The following GIPR variants were observed in gnomAD, a reference collection of about 807,000 sequenced individuals.
GIPR encodes the protein GIP-R.
Under a neutral mutation model 62.2 loss-of-function variants are expected in GIPR, and 74 were observed. The ratio of observed to expected loss-of-function variants is 1.19; its 90% CI spans 0.99 to 1.44. The LOEUF is 1.44. GIPR is among the 40% of genes most tolerant of loss of function. The pLI, the probability that GIPR is intolerant of heterozygous loss-of-function variation, is 0.00. For synonymous variants in GIPR, 256 were observed against 262.2 expected, an observed-to-expected ratio of 0.98 and a Z score of 0.23; for missense variants, 664 against 611.8, an observed-to-expected ratio of 1.09 and a Z score of -0.90.
In GIPR at chr19:45,676,968, C is replaced by A. The variant is rs760439238; in HGVS notation, c.653C>A (p.Thr218Lys). 93 of 1,613,966 alleles carry A rather than the reference C, an allele frequency of 5.8e-5. No homozygotes were observed. The highest frequency in any genetic ancestry group is 7.8e-5 in the Non-Finnish European group (92 of 1,180,018). ...LWNQALAACR[T>K]AQIVTQYCVG... is the part of the protein sequence containing the mutation. ...CCCTAGGCCCTCGCTGCCTGCCGCA[C>A]GGCCCAGATCGTGACCCAGTACTGC... Residue 218 changes from threonine to lysine, a missense_variant, in exon 8 of 14, where the codon ACG (threonine) becomes AAG (lysine). By Grantham distance (78) the Thr-to-Lys change is moderately conservative. Coordinates refer to ENST00000590918, the MANE Select transcript of GIPR (RefSeq NM_000164.4).
Position 45,681,799 on chromosome 19 carries a change from A to G in GIPR, c.1265A>G (p.Gln422Arg). The change falls in exon 14 of 14, where the codon CAG becomes CGG. Residue 422 changes from glutamine (Q) to arginine (R), a missense_variant. Physicochemically the swap from Gln to Arg is conservative, Grantham distance 43. Transcript: ENST00000590918. The stretch of plus-strand genomic sequence containing the variant: ...CGCAGCCTGGGCGAGGAGCAACGCC[A>G]GCTCCCGGAGCGCGCCTTCCGGGCC... ...LRRSLGEEQR[Q>R]LPERAFRALP... is the part of the protein sequence containing the mutation. 1 of 1,577,642 alleles carries G rather than the reference A, an allele frequency of 6.3e-7. No homozygotes were observed. The highest frequency in any genetic ancestry group is 2.3e-5 in the East Asian group (1 of 43,032).
rs1335967819 is a variant in GIPR at position 45,671,421 on chromosome 19, C to T, written c.280+29C>T. 3.6e-6 allele frequency: 5 copies of T among 1,395,848 alleles called. No individual in the cohort carries two copies. The African/African-American group carries it at 7.1e-5, about 20-fold the overall frequency. 86.5% of individuals were successfully genotyped at this position (1,395,848 alleles called of 1,614,324 possible). ...AGGTGCTCCCTGGGCCCGGAGCCCTCCCCAGACACAAACAACTGCTAACCT... is the reference window on the plus strand; with the variant it reads ...AGGTGCTCCCTGGGCCCGGAGCCCTTCCCAGACACAAACAACTGCTAACCT... On this transcript the variant is annotated intron_variant, in intron 4 of 13. Coordinates refer to ENST00000590918, the MANE Select transcript of GIPR (RefSeq NM_000164.4).
intron 1 of GIPR, among the ~76,000 whole-genome samples, chr19:45,668,759 C>A (rs760052304): frequency 4.6e-5 from 7 of 152,210 alleles, no homozygotes; most frequent in Non-Finnish European, 1.0e-4. Context: ...GGGTGTCGGG[C>A]GTTAGACCGA....
intron 2 of GIPR, among the ~76,000 whole-genome samples, chr19:45,670,065 C>G (rs1028657685): frequency 1.3e-5 from 2 of 151,706 alleles, no homozygotes; most frequent in African/African-American, 4.8e-5. Context: ...GAGTCTCACT[C>G]TGTCACCCAG....
chr19:45,679,483 G>GA (rs572702775), intron 12 of GIPR, among the ~76,000 whole-genome samples: 41,406 of 103,110 alleles, frequency 0.4, 7,213 homozygotes, highest in Middle Eastern at 0.51. Context: ...CATGTCTCAA[G>GA]AAAAAAAAAA....
chr19:45,677,012 TGGC>T lies in GIPR; in HGVS notation c.698_700del (p.Trp233del), dbSNP rs1440797337. 1.2e-6 allele frequency: 2 copies of T among 1,613,844 alleles called. No homozygotes were observed. Among genetic ancestry groups the T allele is most frequent in the Admixed American group, 1.7e-5 (1 of 59,988 alleles). On this transcript the variant is annotated inframe_deletion, in exon 8 of 14. Transcript: ENST00000590918. ...GTACTGCGTGGGTGCCAACTACACGTGGCTGCTGGTGGAGGGCGTCTACCTGCA... is the reference window on the plus strand; with the variant it reads ...GTACTGCGTGGGTGCCAACTACACGTTGCTGGTGGAGGGCGTCTACCTGCA...
chr19:45,668,311 C>CAATCCCAGCCCATTCTCCCT lies in GIPR; in HGVS notation c.-45+14_-45+33dup, dbSNP rs1975366691. The CAATCCCAGCCCATTCTCCCT allele has an allele frequency of 6.6e-6, 1 of 152,626 alleles. No homozygotes were observed. The highest frequency in any genetic ancestry group is 1.9e-4 in the East Asian group (1 of 5,204). The allele number at this position is 152,626 out of a possible 1,614,324, so 9.5% of individuals were successfully genotyped here. ...GGACTGGGGACAGGTGAGGGCTCCC[C>CAATCCCAGCCCATTCTCCCT]AATCCCAGCCCATTCTCCCTGCCCC... On this transcript the variant is annotated intron_variant, in intron 1 of 13. Coordinates refer to ENST00000590918, the MANE Select transcript of GIPR (RefSeq NM_000164.4).
intron 12 of GIPR, among the ~76,000 whole-genome samples, chr19:45,678,775 G>A (rs913588766): frequency 1.2e-4 from 18 of 152,272 alleles, no homozygotes; most frequent in African/African-American, 4.3e-4. Flanking sequence ...CTAGTGAAGA[G>A]TGAGGGCTTC....
chr19:45,673,671 C>T (rs1478578512), intron 5 of GIPR, among the ~76,000 whole-genome samples: 1 of 151,914 alleles, frequency 6.6e-6, no homozygotes, highest in Non-Finnish European at 1.5e-5. Flanking sequence ...TGAGACCATT[C>T]TGGCCAACAT....
chr19:45,678,331 G>C (rs951300503), intron 12 of GIPR, 105 bp downstream of exon 12: 1 of 1,256,828 alleles, frequency 8.0e-7, no homozygotes, highest in Non-Finnish European at 1.1e-6. Context: ...GAATGGGGTG[G>C]GAAGATGGGA....
At position 45,671,254 on chromosome 19, in the gene GIPR, C is replaced by T. The variant is rs1975524088; in HGVS notation, c.173-31C>T. 8 of 1,330,244 alleles carry T rather than the reference C, an allele frequency of 6.0e-6. No homozygotes were observed. In the African/African-American group the frequency reaches 1.2e-4, roughly 20 times the overall value. The allele number at this position is 1,330,244 out of a possible 1,614,324, so 82.4% of individuals were successfully genotyped here. A position where few individuals can be genotyped will look rare whatever the true frequency, so the allele number is the denominator to read the frequency against. ...CTTGGCCCACTGCGCAGTAGGTCCA[C>T]TGGGCACCTGGCCCCCGTGCCCACC... is the stretch of plus-strand genomic sequence containing the variant. On this transcript the variant is annotated intron_variant, in intron 3 of 13. Coordinates refer to ENST00000590918, the MANE Select transcript of GIPR (RefSeq NM_000164.4).
intron 2 of GIPR, 25 bp from the exon 3 acceptor site, chr19:45,670,610 G>A (rs777719484): frequency 3.9e-6 from 6 of 1,549,762 alleles, no homozygotes; most frequent in Admixed American, 1.7e-5. Flanking sequence ...GGTCTGGGGG[G>A]GTCCTCCCTT....
intron 7 of GIPR, 183 bp downstream of exon 7, chr19:45,675,009 G>A (rs546229023): frequency 2.5e-5 from 17 of 669,104 alleles, no homozygotes; most frequent in East Asian, 1.9e-4. Context: ...CTCCCAACTC[G>A]GCCTCTGCCA....
intron 8 of GIPR, 58 bp from the exon 9 acceptor site, chr19:45,677,265 C>A (rs1474328321): frequency 1.4e-6 from 2 of 1,401,090 alleles, no homozygotes; most frequent in Non-Finnish European, 2.0e-6. Context: ...CCTGGCGGGG[C>A]CCGTGAGCGC....
chr19:45,672,482 T>C (rs1383109340), intron 4 of GIPR: 2 of 316,570 alleles, frequency 6.3e-6, no homozygotes, highest in African/African-American at 4.4e-5. Flanking sequence ...AATTTTTGTA[T>C]TTTTAGTAGA....
intron 1 of GIPR, among the ~76,000 whole-genome samples, chr19:45,668,525 G>A (rs529453315): frequency 7.8e-4 from 118 of 152,240 alleles, no homozygotes; most frequent in Non-Finnish European, 1.5e-3. Context: ...CCACGTCTCT[G>A]CCTCTTCTTT....
intron 1 of GIPR, 34 bp downstream of exon 1, chr19:45,668,332 G>GC (rs1260208418): frequency 2.6e-5 from 4 of 152,594 alleles, no homozygotes; most frequent in African/African-American, 2.4e-5. Flanking sequence ...CATTCTCCCT[G>GC]CCCCCCCTTG....
At chr19:45,681,497 TAAAAAC>T in intron 12 of GIPR, 101 bp from the exon 13 acceptor site, 6 of 906,978 alleles carry the variant, frequency 6.6e-6, no homozygotes, top group Non-Finnish European at 8.5e-6. Context: ...TTCCGACTCT[TAAAAAC>T]AAACAAACAA....
rs56337742 is a variant in GIPR, at chr19:45,680,034, C to T, written c.1153-1570C>T. 1.2e-3 allele frequency among the ~76,000 whole-genome samples: 187 copies of T among 152,126 alleles called. 1 individual carries two copies. Among genetic ancestry groups the T allele is most frequent in the African/African-American group, 4.3e-3 (177 of 41,498 alleles). Reference sequence around the variant, plus strand: ...ATCCGCCCGCTTCAGCCTCCCAAAGCGCCGGGATTACAGGTGTGAGCCACC... The same window carrying T: ...ATCCGCCCGCTTCAGCCTCCCAAAGTGCCGGGATTACAGGTGTGAGCCACC... On this transcript the variant is annotated intron_variant, in intron 12 of 13. Coordinates refer to ENST00000590918, the MANE Select transcript of GIPR (RefSeq NM_000164.4).
Sources: allele counts gnomAD v4.1 joint callset (sites outside exome capture counted in the v4.1 genomes callset), GRCh38; gene constraint gnomAD v4.1.1; transcripts MANE v1.5; gene names NCBI Gene and HGNC (gene_info 2026-07-23, HGNC 2026-07-21).